The following CNOT2 variants were observed in gnomAD, a reference collection of about 807,000 sequenced individuals.
CNOT2 encodes CC chemokine receptor 4-negative regulator of transcription 2.
In CNOT2, 7 loss-of-function variants were observed where a neutral mutation model predicts 72.1. The observed-to-expected ratio is 0.10, with a 90% CI of 0.06 to 0.18. CNOT2 has a LOEUF of 0.18. Ranked by LOEUF, CNOT2 falls within the 10% of genes least tolerant of loss-of-function variation. CNOT2 has a pLI of 1.00. For missense variants in CNOT2, 345 were observed against 660.3 expected (o/e 0.52, Z 5.23); for synonymous variants, 196 against 225.6 (o/e 0.87, Z 1.17).
chr12:70,332,569 G>A (rs751668853), intron 6 of CNOT2, 198 bp from the exon 7 acceptor site: 5 of 774,240 alleles, frequency 6.5e-6, no homozygotes, highest in African/African-American at 3.7e-5. Flanking sequence ...AAAATGTTCT[G>A]GTTCTCATTT....
At chr12:70,329,832 A>T (rs1395775482) in intron 5 of CNOT2, among the ~76,000 whole-genome samples, 1 of 151,960 alleles carries the variant, frequency 6.6e-6, no homozygotes, top group Non-Finnish European at 1.5e-5. Flanking sequence ...TTCAAAAGGC[A>T]CCTGTCTTCC....
At chr12:70,353,425 C>G (rs1390708863) in intron 15 of CNOT2, among the ~76,000 whole-genome samples, 2 of 152,098 alleles carry the variant, frequency 1.3e-5, no homozygotes, top group African/African-American at 4.8e-5. Context: ...AAAATTATTT[C>G]TAAACTTTTT....
At chr12:70,316,079 G>C (rs1395973915) in intron 3 of CNOT2, among the ~76,000 whole-genome samples, 1 of 151,988 alleles carries the variant, frequency 6.6e-6, no homozygotes, top group Non-Finnish European at 1.5e-5. Context: ...AGCTCTGTGA[G>C]GTAGGTAGTT....
At chr12:70,285,536 G>T (rs530074917) in intron 2 of CNOT2, 2 of 151,922 alleles carry the variant, frequency 1.3e-5, no homozygotes, top group South Asian at 4.1e-4. Context: ...CTTTTAAGAG[G>T]TTATCTTAGG....
chr12:70,319,421 A>G (rs1877916358), intron 4 of CNOT2, 57 bp downstream of exon 4: 1 of 1,513,110 alleles, frequency 6.6e-7, no homozygotes, highest in Middle Eastern at 1.8e-4. Flanking sequence ...ATAAGTAACT[A>G]CCAAATAAAG....
At chr12:70,293,000 C>T (rs1335651684) in intron 2 of CNOT2, among the ~76,000 whole-genome samples, 6 of 152,014 alleles carry the variant, frequency 3.9e-5, no homozygotes, top group Admixed American at 3.9e-4. Context: ...AATTTGTCAC[C>T]TTCAATAATA....
intron 2 of CNOT2, among the ~76,000 whole-genome samples, chr12:70,296,801 T>G (rs1193410241): frequency 1.3e-5 from 2 of 150,728 alleles, no homozygotes; most frequent in Admixed American, 6.7e-5. Context: ...TAAATAAAAT[T>G]AGAATTATTT....
At chr12:70,300,800 T>C (rs1299615442) in intron 2 of CNOT2, among the ~76,000 whole-genome samples, 5 of 152,310 alleles carry the variant, frequency 3.3e-5, no homozygotes, top group Middle Eastern at 3.4e-3. Context: ...AATCTATAAA[T>C]TACCTTGGGC....
chr12:70,283,467 T>TGATAGATAGATAGATAGATAGATAGATA (rs3049214), intron 2 of CNOT2, among the ~76,000 whole-genome samples: 1 of 142,458 alleles, frequency 7.0e-6, no homozygotes, highest in Non-Finnish European at 1.5e-5. Flanking sequence ...GTCAGTCGAT[T>TGATAGATAGATAGATAGATAGATAGATA]GATAGATAGA....
intron 3 of CNOT2, among the ~76,000 whole-genome samples, chr12:70,318,225 G>T (rs1468161207): frequency 6.6e-6 from 1 of 151,752 alleles, no homozygotes; most frequent in Non-Finnish European, 1.5e-5. Flanking sequence ...TGCTATAGTT[G>T]GTAGCCATTC....
chr12:70,350,269 G>A (rs903328199), intron 15 of CNOT2, among the ~76,000 whole-genome samples: 2 of 151,782 alleles, frequency 1.3e-5, no homozygotes, highest in South Asian at 2.1e-4. Context: ...GAATTCTTTC[G>A]GCCTAATTTG....
At chr12:70,286,085 GAAAT>G (rs1305897347) in intron 2 of CNOT2, among the ~76,000 whole-genome samples, 1 of 151,358 alleles carries the variant, frequency 6.6e-6, no homozygotes, top group Non-Finnish European at 1.5e-5. Flanking sequence ...GCAGAACCAG[GAAAT>G]CTCAGTAAAT....
chr12:70,329,517 G>A lies in CNOT2; in HGVS notation c.333G>A (p.Thr111=), dbSNP rs377546399. ...GCACTCAGTTACCGAGCCACGTCAC[G>A]CCAACAACAGGGGTACCAACAATGT... The part of the protein sequence containing the change: ...SQGTQLPSHV[T]PTTGVPTMSL... The change falls in exon 5 of 16, where the codon ACG becomes ACA. Residue 111 remains threonine, a synonymous_variant. Transcript: ENST00000229195. The A allele has an allele frequency of 7.4e-6, 12 of 1,610,740 alleles. No homozygotes were observed. Among genetic ancestry groups the A allele is most frequent in the African/African-American group, 2.7e-5 (2 of 74,656 alleles).
At chr12:70,245,539 T>C (rs529414001) in intron 1 of CNOT2, among the ~76,000 whole-genome samples, 3 of 152,296 alleles carry the variant, frequency 2.0e-5, no homozygotes, top group African/African-American at 7.2e-5. Flanking sequence ...CCTAATCTGA[T>C]CTCAGGGAAT....
intron 1 of CNOT2, among the ~76,000 whole-genome samples, chr12:70,250,578 A>C (rs1315439614): frequency 5.9e-5 from 9 of 152,092 alleles, no homozygotes; most frequent in Non-Finnish European, 1.3e-4. Context: ...GGTAATGGTA[A>C]CTTAGGAAAA....
intron 1 of CNOT2, among the ~76,000 whole-genome samples, chr12:70,277,001 A>T (rs1468100692): frequency 6.6e-6 from 1 of 151,916 alleles, no homozygotes; most frequent in Non-Finnish European, 1.5e-5. Flanking sequence ...TGCTTTTTAG[A>T]GGTACTCCAT....
chr12:70,303,649 A>G (rs1007708837), intron 2 of CNOT2, among the ~76,000 whole-genome samples: 1 of 151,808 alleles, frequency 6.6e-6, no homozygotes, highest in Non-Finnish European at 1.5e-5. Context: ...TGCCCTTAAC[A>G]TTTTTTCCTT....
intron 1 of CNOT2, among the ~76,000 whole-genome samples, chr12:70,248,697 G>A (rs1958005000): frequency 6.6e-6 from 1 of 151,998 alleles, no homozygotes; most frequent in Admixed American, 6.5e-5. Context: ...TAGTAGATAT[G>A]CTAATATTGA....
intron 8 of CNOT2, 86 bp downstream of exon 8, chr12:70,335,649 C>T (rs1880578590): frequency 2.0e-6 from 2 of 984,366 alleles, no homozygotes; most frequent in Admixed American, 1.9e-5. Context: ...TATACATATG[C>T]TTGTGTGTGT....
Sources: allele counts gnomAD v4.1 joint callset (sites outside exome capture counted in the v4.1 genomes callset), GRCh38; gene constraint gnomAD v4.1.1; transcripts MANE v1.5; gene names NCBI Gene and HGNC (gene_info 2026-07-23, HGNC 2026-07-21).